Variants in CNTN5 observed in about 807,000 individuals in gnomAD.
CNTN5 encodes the protein contactin 5, also known as contactin-5.
Under a neutral mutation model 129.1 loss-of-function variants are expected in CNTN5, and 77 were observed. That is an observed-to-expected ratio of 0.60 (90% CI 0.50 to 0.72). The LOEUF (loss-of-function observed/expected upper bound fraction) is 0.72, where lower values mean the gene tolerates loss of function less well. Ranked by LOEUF, CNTN5 falls within the 30% of genes least tolerant of loss-of-function variation. CNTN5 has a pLI of 0.00. For missense variants in CNTN5, 1,478 were observed against 1,328.8 expected (o/e 1.11, Z -1.75); for synonymous variants, 509 against 465.6 (o/e 1.09, Z -1.20).
chr11:99,395,089 T>C (rs1591620628), intron 2 of CNTN5, among the ~76,000 whole-genome samples: 1 of 152,036 alleles, frequency 6.6e-6, no homozygotes, highest in East Asian at 1.9e-4. Flanking sequence ...ATGGTATCTC[T>C]ATCTTTAGGT....
intron 1 of CNTN5, among the ~76,000 whole-genome samples, chr11:99,136,299 C>G (rs1859214664): frequency 6.6e-6 from 1 of 152,140 alleles, no homozygotes; most frequent in Non-Finnish European, 1.5e-5. Context: ...GTATTTCTAT[C>G]TAGCATAGAT....
intron 3 of CNTN5, 63 bp from the exon 4 acceptor site, chr11:99,819,481 C>A: frequency 3.7e-6 from 5 of 1,335,354 alleles, no homozygotes; most frequent in Non-Finnish European, 5.2e-6. Flanking sequence ...AAACAATCTT[C>A]ATAAGAAAAA....
intron 16 of CNTN5, among the ~76,000 whole-genome samples, chr11:100,233,173 T>C (rs919329588): frequency 1.3e-5 from 2 of 152,172 alleles, no homozygotes; most frequent in Non-Finnish European, 2.9e-5. Flanking sequence ...TCATTGATCA[T>C]GATATCCCCT....
At chr11:100,202,802 C>T (rs1047523683) in intron 15 of CNTN5, among the ~76,000 whole-genome samples, 3 of 151,936 alleles carry the variant, frequency 2.0e-5, no homozygotes, top group Non-Finnish European at 4.4e-5. Context: ...GGAAGGAAGA[C>T]AAGTAAAGGT....
intron 6 of CNTN5, among the ~76,000 whole-genome samples, chr11:99,873,366 G>A (rs1402926899): frequency 6.6e-6 from 1 of 151,154 alleles, no homozygotes; most frequent in Non-Finnish European, 1.5e-5. Flanking sequence ...AACTCAACAA[G>A]AAAAAAACTA....
At chr11:100,171,899 T>C (rs1947838787) in intron 13 of CNTN5, among the ~76,000 whole-genome samples, 1 of 152,052 alleles carries the variant, frequency 6.6e-6, no homozygotes. Context: ...TACGTTGGTT[T>C]ATATCTAGCT....
At chr11:99,494,425 C>T (rs1047386916) in intron 2 of CNTN5, among the ~76,000 whole-genome samples, 1 of 152,038 alleles carries the variant, frequency 6.6e-6, no homozygotes, top group Non-Finnish European at 1.5e-5. Flanking sequence ...AACTGTATAC[C>T]TTTTATCCTT....
chr11:100,020,788 T>C (rs1238755736), intron 9 of CNTN5, among the ~76,000 whole-genome samples: 1 of 152,040 alleles, frequency 6.6e-6, no homozygotes, highest in Admixed American at 6.6e-5. Context: ...AACAACAAAG[T>C]ATCTGAAGAA....
chr11:99,340,758 T>A (rs914066482), intron 2 of CNTN5, among the ~76,000 whole-genome samples: 2 of 152,108 alleles, frequency 1.3e-5, no homozygotes, highest in African/African-American at 4.8e-5. Context: ...GAAACAATCA[T>A]AAAAATAATT....
chr11:99,062,461 A>G (rs937295390), intron 1 of CNTN5, among the ~76,000 whole-genome samples: 2 of 152,046 alleles, frequency 1.3e-5, no homozygotes, highest in South Asian at 2.1e-4. Context: ...TGCCACTGGT[A>G]TGATGTATAG....
chr11:99,556,684 T>C (rs1948685071), intron 3 of CNTN5, among the ~76,000 whole-genome samples: 1 of 148,824 alleles, frequency 6.7e-6, no homozygotes, highest in Non-Finnish European at 1.5e-5. Context: ...AGCAGCTAAT[T>C]ATAAAAGTGT....
At chr11:99,067,336 C>A (rs1251642284) in intron 1 of CNTN5, among the ~76,000 whole-genome samples, 1 of 151,732 alleles carries the variant, frequency 6.6e-6, no homozygotes, top group African/African-American at 2.4e-5. Flanking sequence ...TTTTCCTTCT[C>A]TTTAAAACGC....
intron 16 of CNTN5, among the ~76,000 whole-genome samples, chr11:100,249,847 T>C (rs1007947259): frequency 2.6e-5 from 4 of 152,192 alleles, no homozygotes; most frequent in South Asian, 4.1e-4. Flanking sequence ...CCTAAATATA[T>C]ACAAGAAGCT....
chr11:99,475,363 A>T (rs1397436616), intron 2 of CNTN5, among the ~76,000 whole-genome samples: 3 of 152,126 alleles, frequency 2.0e-5, no homozygotes, highest in Non-Finnish European at 4.4e-5. Flanking sequence ...GTACAAAATA[A>T]ATCTTTATTC....
At chr11:99,578,596 T>C (rs1591306736) in intron 3 of CNTN5, among the ~76,000 whole-genome samples, 1 of 149,970 alleles carries the variant, frequency 6.7e-6, no homozygotes, top group South Asian at 2.1e-4. Context: ...TGAGCATTTT[T>C]TCATGTGTTT....
At chr11:99,359,647 C>T (rs1938963240) in intron 2 of CNTN5, among the ~76,000 whole-genome samples, 1 of 150,782 alleles carries the variant, frequency 6.6e-6, no homozygotes, top group South Asian at 2.1e-4. Flanking sequence ...ATTTATTCCA[C>T]CCTGTTAGCT....
chr11:100,138,379 A>T (rs999886148), intron 13 of CNTN5, among the ~76,000 whole-genome samples: 3 of 151,986 alleles, frequency 2.0e-5, no homozygotes, highest in Non-Finnish European at 4.4e-5. Context: ...AACAAAACAA[A>T]GTCTCTGCCT....
At chr11:99,138,078 A>T (rs1324228792) in intron 1 of CNTN5, among the ~76,000 whole-genome samples, 1 of 152,176 alleles carries the variant, frequency 6.6e-6, no homozygotes, top group Non-Finnish European at 1.5e-5. Context: ...TTTGAAATAT[A>T]ATTTATTTAG....
At chr11:99,430,365 AT>A (rs1943310923) in intron 2 of CNTN5, among the ~76,000 whole-genome samples, 1 of 150,610 alleles carries the variant, frequency 6.6e-6, no homozygotes, top group South Asian at 2.1e-4. Flanking sequence ...ATATATATAT[AT>A]ATGTGTGCAC....
Sources: allele counts gnomAD v4.1 joint callset (sites outside exome capture counted in the v4.1 genomes callset), GRCh38; gene constraint gnomAD v4.1.1; transcripts MANE v1.5; gene names NCBI Gene and HGNC (gene_info 2026-07-23, HGNC 2026-07-21).